Variants in KIAA1217 observed in about 807,000 individuals in gnomAD.
KIAA1217 encodes the protein KIAA1217, also known as sickle tail protein homolog.
In KIAA1217, 88 loss-of-function variants were observed where a neutral mutation model predicts 163.9. That is an observed-to-expected ratio of 0.54 (90% confidence interval 0.45 to 0.64). The LOEUF is 0.64. Among genes scored for constraint, KIAA1217 ranks in the 30% least tolerant of loss-of-function variants. The pLI is 0.00. For missense variants in KIAA1217, 2,372 were observed against 2,475.0 expected (o/e 0.96, Z 0.88); for synonymous variants, 903 against 923.1 (o/e 0.98, Z 0.39).
chr10:24,444,053 C>T (rs538386056), intron 5 of KIAA1217, among the ~76,000 whole-genome samples: 5 of 152,110 alleles, frequency 3.3e-5, no homozygotes, highest in African/African-American at 7.2e-5. Flanking sequence ...ACTCTGTCAC[C>T]GGGCTGGAGT....
intron 2 of KIAA1217, among the ~76,000 whole-genome samples, chr10:24,116,119 A>C (rs2063042311): frequency 6.6e-6 from 1 of 151,898 alleles, no homozygotes; most frequent in African/African-American, 2.4e-5. Flanking sequence ...ACATCACCTG[A>C]TCCATCTTGC....
rs540328766 is a variant in KIAA1217 at position 24,454,097 on chromosome 10, A to G, written c.846+15618A>G. On this transcript the variant is annotated intron_variant, in intron 5 of 20. Coordinates refer to ENST00000376454, the MANE Select transcript of KIAA1217 (RefSeq NM_019590.5). ...CAAAAAAAAAGAAAAACGAAAAAAA[A>G]CCATTTTGATGTCCAAATGAATTCT... Among the ~76,000 whole-genome samples, 14 of 152,296 alleles carry G rather than the reference A, an allele frequency of 9.2e-5. No homozygotes were observed. In the East Asian group the frequency reaches 2.7e-3, roughly 29 times the overall value.
chr10:24,113,388 A>G (rs2062931054), intron 2 of KIAA1217, among the ~76,000 whole-genome samples: 1 of 152,144 alleles, frequency 6.6e-6, no homozygotes, highest in Non-Finnish European at 1.5e-5. Context: ...GCAATCTCAA[A>G]AGTGCTACTA....
In KIAA1217 at chr10:23,990,552, G is replaced by A. The variant is rs542343595; in HGVS notation, c.-320-16673G>A. ...TGCTCCTCCACTCTTCTAATGATTA[G>A]TCATATCTTTGGGTGCTGGGAGAGA... On this transcript the variant is annotated intron_variant, in intron 1 of 18. Transcript: ENST00000376462. 2.6e-5 allele frequency among the ~76,000 whole-genome samples: 4 copies of A among 152,080 alleles called. No individual in the cohort carries two copies. In the East Asian group the frequency reaches 5.8e-4, roughly 22 times the overall value.
intron 1 of KIAA1217, among the ~76,000 whole-genome samples, chr10:23,828,015 A>G (rs1365210839): frequency 6.6e-6 from 1 of 152,236 alleles, no homozygotes; most frequent in Admixed American, 6.5e-5. Flanking sequence ...GTTGTGGAGA[A>G]TTGAGCCAGA....
At chr10:23,963,163 C>T (rs892537407) in intron 1 of KIAA1217, among the ~76,000 whole-genome samples, 5 of 152,164 alleles carry the variant, frequency 3.3e-5, no homozygotes, top group Non-Finnish European at 5.9e-5. Flanking sequence ...GTGTGCAGAA[C>T]GTGCAGGTTT....
chr10:24,334,867 T>G (rs144583334), intron 2 of KIAA1217, among the ~76,000 whole-genome samples: 33 of 152,338 alleles, frequency 2.2e-4, no homozygotes, highest in South Asian at 4.1e-4. Context: ...TTCCCGATCT[T>G]TTTCATATTG....
intron 2 of KIAA1217, among the ~76,000 whole-genome samples, chr10:24,266,252 T>A (rs530461239): frequency 3.9e-5 from 6 of 152,202 alleles, no homozygotes; most frequent in African/African-American, 1.4e-4. Flanking sequence ...CTAATTTTTG[T>A]ATTTTTAGTA....
At chr10:24,355,906 G>A (rs549642260) in intron 2 of KIAA1217, among the ~76,000 whole-genome samples, 9 of 150,966 alleles carry the variant, frequency 6.0e-5, no homozygotes, top group African/African-American at 1.9e-4. Context: ...CTGCCACCAC[G>A]CCCGGCTAAT....
At chr10:24,161,449 G>C (rs2065116851) in intron 2 of KIAA1217, among the ~76,000 whole-genome samples, 1 of 152,182 alleles carries the variant, frequency 6.6e-6, no homozygotes, top group Non-Finnish European at 1.5e-5. Context: ...CTCTGACTTT[G>C]TGAACGCTGG....
intron 2 of KIAA1217, among the ~76,000 whole-genome samples, chr10:24,191,452 A>C (rs568406336): frequency 1.5e-3 from 231 of 152,256 alleles, no homozygotes; most frequent in African/African-American, 5.3e-3. Context: ...ATTTGTGTAA[A>C]TGCATTGTTT....
chr10:24,473,355 C>A lies in KIAA1217; in HGVS notation c.974C>A (p.Pro325His), dbSNP rs748426434. The stretch of plus-strand genomic sequence containing the variant: ...ACTCCAGTGCCCCATTCCATGCCCC[C>A]CTCCCCGTCCAGAATTCCTTATGGG... ...PSTPVPHSMP[P>H]SPSRIPYGGT... is the part of the protein sequence containing the mutation. The change falls in exon 6 of 21, where the codon CCC becomes CAC. Residue 325 changes from proline (P) to histidine (H), a missense_variant. By Grantham distance (77) the Pro-to-His change is moderately conservative. Coordinates refer to ENST00000376454, the MANE Select transcript of KIAA1217 (RefSeq NM_019590.5). 20 of 1,603,180 alleles carry A rather than the reference C, an allele frequency of 1.2e-5. No individual in the cohort carries two copies. In the Admixed American group the frequency reaches 1.3e-4, roughly 11 times the overall value.
chr10:23,879,681 A>G (rs1289334266), intron 1 of KIAA1217, among the ~76,000 whole-genome samples: 1 of 151,918 alleles, frequency 6.6e-6, no homozygotes, highest in Non-Finnish European at 1.5e-5. Context: ...CCATTCTTTA[A>G]TGAGTTTCTG....
Position 23,748,151 on chromosome 10 carries a change from C to T in KIAA1217, c.-321+52917C>T, listed in dbSNP as rs144938856. 4.4e-3 allele frequency among the ~76,000 whole-genome samples: 670 copies of T among 152,228 alleles called. 2 individuals are homozygous for T. Among genetic ancestry groups the T allele is most frequent in the Non-Finnish European group, 7.2e-3 (492 of 68,006 alleles). ...GCCCAACCTGCTCTGTGTGTCCTCC[C>T]CTTGGCCCAGCCTCCCTCACTCCCT... On this transcript the variant is annotated intron_variant, in intron 1 of 18. Coordinates refer to the KIAA1217 transcript ENST00000376462.
intron 1 of KIAA1217, among the ~76,000 whole-genome samples, chr10:23,944,096 G>C (rs556928845): frequency 6.6e-6 from 1 of 152,258 alleles, no homozygotes; most frequent in South Asian, 2.1e-4. Context: ...TACCAAAATT[G>C]AGAACTTCTC....
chr10:24,167,037 G>T (rs564812813), intron 2 of KIAA1217, among the ~76,000 whole-genome samples: 36 of 151,950 alleles, frequency 2.4e-4, no homozygotes, highest in Middle Eastern at 6.8e-3. Flanking sequence ...CCCCCTTTAG[G>T]TTTCACATAA....
intron 4 of KIAA1217, among the ~76,000 whole-genome samples, chr10:24,433,867 G>A (rs1192276511): frequency 6.6e-6 from 1 of 152,092 alleles, no homozygotes; most frequent in African/African-American, 2.4e-5. Context: ...TTCTTAAAGA[G>A]TTGTCCTTTA....
At chr10:23,933,823 C>G (rs1225725638) in intron 1 of KIAA1217, among the ~76,000 whole-genome samples, 1 of 152,062 alleles carries the variant, frequency 6.6e-6, no homozygotes, top group Non-Finnish European at 1.5e-5. Context: ...AAATGCAAAT[C>G]AAAACCACAG....
At chr10:23,902,874 G>C (rs1422743123) in intron 1 of KIAA1217, among the ~76,000 whole-genome samples, 3 of 152,216 alleles carry the variant, frequency 2.0e-5, no homozygotes, top group South Asian at 2.1e-4. Flanking sequence ...TTATTGGAAG[G>C]TGAATGTTAG....
Sources: allele counts gnomAD v4.1 joint callset (sites outside exome capture counted in the v4.1 genomes callset), GRCh38; gene constraint gnomAD v4.1.1; transcripts MANE v1.5; gene names NCBI Gene and HGNC (gene_info 2026-07-23, HGNC 2026-07-21).